Variants in BRCA2 observed in about 807,000 individuals in gnomAD.
The protein encoded by BRCA2 is breast cancer type 2 susceptibility protein.
In BRCA2, 203 loss-of-function variants were observed where a neutral mutation model predicts 276.7. That is an observed-to-expected ratio of 0.73 (90% CI 0.65 to 0.82). BRCA2 has a LOEUF of 0.82. BRCA2 is among the 40% of genes least tolerant of loss of function. The probability of loss-of-function intolerance (pLI) is 0.00; values close to 1 mark genes in which losing one functional copy is unlikely to be tolerated. For synonymous variants in BRCA2, 1,289 were observed against 1,338.4 expected (o/e 0.96, Z 0.81); for missense variants, 3,920 against 3,915.0 (o/e 1.00, Z -0.03).
At position 32,333,171 on chromosome 13, in the gene BRCA2, G is replaced by A. The variant is rs2137473957; in HGVS notation, c.1693G>A (p.Ala565Thr). Residue 565 changes from alanine (A) to threonine (T), a missense_variant, in exon 10 of 27, where the codon GCC becomes ACC. Transcript: ENST00000380152. ...TTTAATTGATAATGGAAGCTGGCCA[G>A]CCACCACCACACAGAATTCTGTAGC... Reference protein sequence around the residue: ...PNLIDNGSWPATTTQNSVALK... With the variant: ...PNLIDNGSWPTTTTQNSVALK... 6.2e-7 allele frequency: 1 copy of A among 1,614,020 alleles called. No individual in the cohort carries two copies. The highest frequency in any genetic ancestry group is 8.5e-7 in the Non-Finnish European group (1 of 1,179,982).
chr13:32,392,023 A>G (rs1033454774), intron 24 of BRCA2, among the ~76,000 whole-genome samples: 26 of 152,268 alleles, frequency 1.7e-4, no homozygotes, highest in African/African-American at 6.0e-4. Flanking sequence ...GGACAGTACT[A>G]TCATCAAGTT....
chr13:32,390,389 A>G (rs533608904), intron 24 of BRCA2, among the ~76,000 whole-genome samples: 1 of 152,276 alleles, frequency 6.6e-6, no homozygotes. Flanking sequence ...AGTTTGGGAC[A>G]AGTCTGGGCA....
intron 7 of BRCA2, among the ~76,000 whole-genome samples, chr13:32,327,388 A>G (rs1593887990): frequency 6.6e-6 from 1 of 152,284 alleles, no homozygotes; most frequent in East Asian, 1.9e-4. Flanking sequence ...CAGAGGGTGC[A>G]GTGAGCCGAG....
At position 32,340,403 on chromosome 13, in the gene BRCA2, T is replaced by G; in HGVS notation, c.6048T>G (p.Phe2016Leu). 1 of 1,613,756 alleles carries G rather than the reference T, an allele frequency of 6.2e-7. No individual in the cohort carries two copies. The highest frequency in any genetic ancestry group is 8.5e-7 in the Non-Finnish European group (1 of 1,179,734). Reference sequence around the variant, plus strand: ...AGCAAGTCTTTTCCAAAGTATTGTTTAAAAGTAACGAACATTCAGACCAGC... The same window carrying G: ...AGCAAGTCTTTTCCAAAGTATTGTTGAAAAGTAACGAACATTCAGACCAGC... ...STKQVFSKVLFKSNEHSDQLT... is the reference protein window; with the variant it reads ...STKQVFSKVLLKSNEHSDQLT... The change falls in exon 11 of 27, where the codon TTT (phenylalanine) becomes TTG (leucine). Residue 2016 changes from phenylalanine to leucine, a missense_variant. Transcript: ENST00000380152.
intron 3 of BRCA2, 99 bp downstream of exon 3, chr13:32,319,424 G>A (rs2138706443): frequency 3.3e-6 from 4 of 1,218,458 alleles, no homozygotes; most frequent in Non-Finnish European, 4.7e-6. Context: ...GTGTCATGCT[G>A]GGCAAATCAG....
chr13:32,337,549 T>C lies in BRCA2; in HGVS notation c.3194T>C (p.Ile1065Thr), dbSNP rs431825303. The C allele has an allele frequency of 2.5e-6, 4 of 1,607,864 alleles. No homozygotes were observed. In the African/African-American group the frequency reaches 5.4e-5, roughly 22 times the overall value. ...AAGAAACTGAGCAAGCCTCAGTCAA[T>C]TAATACTGTATCTGCACATTTACAG... is the stretch of plus-strand genomic sequence containing the variant. ...NQKKLSKPQSINTVSAHLQSS... is the reference protein window; with the variant it reads ...NQKKLSKPQSTNTVSAHLQSS... Residue 1065 changes from isoleucine to threonine, a missense_variant, in exon 11 of 27, where the codon ATT becomes ACT. By Grantham distance (89) the Ile-to-Thr change is moderately conservative (BLOSUM62 -1). Transcript: ENST00000380152.
intron 16 of BRCA2, among the ~76,000 whole-genome samples, chr13:32,360,423 A>C (rs981040982): frequency 6.6e-6 from 1 of 152,104 alleles, no homozygotes; most frequent in Non-Finnish European, 1.5e-5. Context: ...GCAGTGGTGC[A>C]ATCTCGGCTC....
intron 16 of BRCA2, among the ~76,000 whole-genome samples, chr13:32,360,443 T>C (rs992097439): frequency 7.9e-5 from 12 of 152,130 alleles, no homozygotes; most frequent in African/African-American, 2.9e-4. Context: ...CACTGCAGCC[T>C]CCACCTCCCA....
chr13:32,396,700 A>G, intron 25 of BRCA2, 198 bp from the exon 26 acceptor site: 1 of 620,706 alleles, frequency 1.6e-6, no homozygotes, highest in South Asian at 1.9e-5. Flanking sequence ...CCCTCTCCCT[A>G]TCAGCTAGAT....
Position 32,326,715 on chromosome 13 carries a change from A to C in BRCA2, c.631+102A>C. On this transcript the variant is annotated intron_variant, in intron 7 of 26. Transcript: ENST00000380152. Reference sequence around the variant, plus strand: ...AGGAAATATGAAAAGAAAATATTAGATAATGTCTTTGATAAGTGTGTTAGT... The same window carrying C: ...AGGAAATATGAAAAGAAAATATTAGCTAATGTCTTTGATAAGTGTGTTAGT... 2 of 858,858 alleles carry C rather than the reference A, an allele frequency of 2.3e-6. 1 individual carries two copies. The highest frequency in any genetic ancestry group is 3.4e-5 in the South Asian group (2 of 58,740). The allele number at this position is 858,858 out of a possible 1,614,324, so 53.2% of individuals were successfully genotyped here.
intron 24 of BRCA2, among the ~76,000 whole-genome samples, chr13:32,394,315 ATCTT>A (rs1232772050): frequency 3.3e-5 from 5 of 152,216 alleles, no homozygotes; most frequent in Middle Eastern, 3.2e-3. Flanking sequence ...TTAGAGGTCT[ATCTT>A]CAGAGAGGAG....
At chr13:32,344,880 G>C (rs2072600889) in intron 12 of BRCA2, among the ~76,000 whole-genome samples, 1 of 152,138 alleles carries the variant, frequency 6.6e-6, no homozygotes, top group South Asian at 2.1e-4. Flanking sequence ...AATGTAAATT[G>C]ATTAATGTTA....
At position 32,356,603 on chromosome 13, in the gene BRCA2, T is replaced by G; in HGVS notation, c.7611T>G (p.His2537Gln). The stretch of plus-strand genomic sequence containing the variant: ...GCCAAGTTCCCTCTGCGTGTTCTCA[T>G]AAACAGGTATGTGTTTGTCTACAAT... Reference protein sequence around the residue: ...VGGQVPSACSHKQLYTYGVSK... With the variant: ...VGGQVPSACSQKQLYTYGVSK... Residue 2537 changes from histidine (H) to glutamine (Q), a missense_variant, in exon 15 of 27, where the codon CAT becomes CAG. His to Gln is a conservative substitution (Grantham distance 24). Coordinates refer to ENST00000380152, the MANE Select transcript of BRCA2 (RefSeq NM_000059.4). The G allele has an allele frequency of 6.2e-7, 1 of 1,614,118 alleles. No individual in the cohort carries two copies. The highest frequency in any genetic ancestry group is 8.5e-7 in the Non-Finnish European group (1 of 1,179,948).
rs1555282367 is a variant in BRCA2 at position 32,336,294 on chromosome 13, T to C, written c.1939T>C (p.Cys647Arg). The C allele has an allele frequency of 6.2e-7, 1 of 1,603,442 alleles. No homozygotes were observed. Among genetic ancestry groups the C allele is most frequent in the Non-Finnish European group, 8.5e-7 (1 of 1,176,114 alleles). Reference sequence around the variant, plus strand: ...ATTGCATTCTTCTGTGAAAAGAAGCTGTTCACAGAATGATTCTGAAGAACC... The same window carrying C: ...ATTGCATTCTTCTGTGAAAAGAAGCCGTTCACAGAATGATTCTGAAGAACC... ...GLLHSSVKRS[C>R]SQNDSEEPTL... Residue 647 changes from cysteine (C) to arginine (R), a missense_variant, in exon 11 of 27, where the codon TGT (cysteine) becomes CGT (arginine). Physicochemically the swap from Cys to Arg is radical, Grantham distance 180 (BLOSUM62 -3). Coordinates refer to ENST00000380152, the MANE Select transcript of BRCA2 (RefSeq NM_000059.4).
In BRCA2 at chr13:32,379,466, C is replaced by T. The variant is rs41293519; in HGVS notation, c.8904C>T (p.Thr2968=). The change falls in exon 22 of 27, where the codon ACC becomes ACT. Residue 2968 remains threonine (T), a synonymous_variant. Coordinates refer to ENST00000380152, the MANE Select transcript of BRCA2 (RefSeq NM_000059.4). The part of the protein sequence containing the change: ...KEQGLSRDVT[T]VWKLRIVSYS... ...AAGGTTTATCAAGGGATGTCACAAC[C>T]GTGTGGAAGTTGCGTATTGTAAGCT... is the stretch of plus-strand genomic sequence containing the variant. The T allele has an allele frequency of 4.5e-5, 73 of 1,612,946 alleles. No individual in the cohort carries two copies. The highest frequency in any genetic ancestry group is 5.7e-5 in the Non-Finnish European group (67 of 1,179,740).
At chr13:32,384,012 A>G (rs1162417842) in intron 24 of BRCA2, among the ~76,000 whole-genome samples, 3 of 152,244 alleles carry the variant, frequency 2.0e-5, no homozygotes, top group Non-Finnish European at 4.4e-5. Flanking sequence ...AAACATGACC[A>G]TCGTGATGAC....
chr13:32,372,710 G>T (rs1296248003), intron 20 of BRCA2, among the ~76,000 whole-genome samples: 1 of 152,098 alleles, frequency 6.6e-6, no homozygotes, highest in Non-Finnish European at 1.5e-5. Context: ...CAAATCTCGT[G>T]TCCTTTTCAC....
chr13:32,382,021 G>GT (rs2072927913), intron 24 of BRCA2, among the ~76,000 whole-genome samples: 1 of 152,186 alleles, frequency 6.6e-6, no homozygotes, highest in Admixed American at 6.5e-5. Flanking sequence ...AGTTTTAGAT[G>GT]CTTATTAGGC....
chr13:32,368,805 TTTTG>T (rs2072806415), intron 18 of BRCA2, among the ~76,000 whole-genome samples: 1 of 147,568 alleles, frequency 6.8e-6, no homozygotes, highest in East Asian at 2.1e-4. Flanking sequence ...TTTGTTTTTT[TTTTG>T]GTTTTTTTTG....
Sources: allele counts gnomAD v4.1 joint callset (sites outside exome capture counted in the v4.1 genomes callset), GRCh38; gene constraint gnomAD v4.1.1; transcripts MANE v1.5; gene names NCBI Gene and HGNC (gene_info 2026-07-23, HGNC 2026-07-21).